Variants in MALSU1 observed in about 807,000 individuals in gnomAD.
MALSU1 encodes the protein mitochondrial assembly of ribosomal large subunit 1, also known as mitochondrial assembly of ribosomal large subunit protein 1.
In MALSU1, 22 loss-of-function variants were observed where a neutral mutation model predicts 22.1. The observed-to-expected ratio is 1.00, with a 90% CI of 0.71 to 1.42. The LOEUF is 1.42. MALSU1 is among the 40% of genes most tolerant of loss of function. The probability of loss-of-function intolerance (pLI) is 0.00; values close to 1 mark genes in which losing one functional copy is unlikely to be tolerated. For missense variants in MALSU1, 379 were observed against 308.3 expected (o/e 1.23, Z -1.72); for synonymous variants, 153 against 118.5 (o/e 1.29, Z -1.89).
At chr7:23,303,144 A>G (rs1408246676) in intron 2 of MALSU1, among the ~76,000 whole-genome samples, 8 of 152,236 alleles carry the variant, frequency 5.3e-5, no homozygotes, top group African/African-American at 1.9e-4. Flanking sequence ...ATCCGTCTCC[A>G]GAAATTTTTT....
At position 23,300,989 on chromosome 7, in the gene MALSU1, A is replaced by G; in HGVS notation, c.407A>G (p.His136Arg). 6.2e-7 allele frequency: 1 copy of G among 1,614,030 alleles called. No individual in the cohort carries two copies. The highest frequency in any genetic ancestry group is 8.5e-7 in the Non-Finnish European group (1 of 1,179,954). The change falls in exon 2 of 4, where the codon CAT becomes CGT. Residue 136 changes from histidine to arginine, a missense_variant. His to Arg is a conservative substitution (Grantham distance 29). Transcript: ENST00000466681. ...AGTGGAACTTCTACCCGACACTTAC[A>G]TGCCATGGCCTTCTACGTTGTGAAA... ...IVSGTSTRHLHAMAFYVVKMY... is the reference protein window; with the variant it reads ...IVSGTSTRHLRAMAFYVVKMY...
At chr7:23,308,311 T>C (rs569449276) in intron 3 of MALSU1, among the ~76,000 whole-genome samples, 124 of 152,150 alleles carry the variant, frequency 8.1e-4, no homozygotes, top group African/African-American at 2.9e-3. Flanking sequence ...CTGTGGTGCA[T>C]AAATGAGATG....
chr7:23,309,242 AACC>A (rs1783769359), intron 3 of MALSU1, 111 bp from the exon 4 acceptor site: 2 of 946,612 alleles, frequency 2.1e-6, no homozygotes, highest in South Asian at 3.4e-5. Context: ...CTAATCTGGG[AACC>A]ACACTTGAGA....
At chr7:23,302,485 A>C (rs1389253703) in intron 2 of MALSU1, among the ~76,000 whole-genome samples, 1 of 152,210 alleles carries the variant, frequency 6.6e-6, no homozygotes, top group Non-Finnish European at 1.5e-5. Flanking sequence ...GCAGAAGAAG[A>C]TGCCAAAAAC....
chr7:23,310,683 G>C lies in MALSU1; in HGVS notation c.*1140G>C. 1 of 152,214 alleles carries C rather than the reference G, an allele frequency of 6.6e-6. No individual in the cohort carries two copies. The highest frequency in any genetic ancestry group is 1.9e-4 in the East Asian group (1 of 5,184). 9.4% of individuals were successfully genotyped at this position (152,214 alleles called of 1,614,324 possible). ...ACTACAAAAGAAACTTGTTTTCAGA[G>C]AACATTAAGGAAAACACTTTAAATC... On this transcript the variant is annotated 3_prime_UTR_variant, in exon 4 of 4. Transcript: ENST00000466681.
chr7:23,303,236 C>G (rs1392229215), intron 2 of MALSU1, among the ~76,000 whole-genome samples: 1 of 152,202 alleles, frequency 6.6e-6, no homozygotes, highest in Non-Finnish European at 1.5e-5. Flanking sequence ...ATTCTACTGC[C>G]TGTCTCTATG....
intron 2 of MALSU1, among the ~76,000 whole-genome samples, chr7:23,306,340 T>A (rs999356476): frequency 6.6e-6 from 1 of 151,970 alleles, no homozygotes; most frequent in African/African-American, 2.4e-5. Flanking sequence ...CCTAACTGGG[T>A]TTTTTTTGTG....
chr7:23,305,791 G>C (rs6950139), intron 2 of MALSU1, among the ~76,000 whole-genome samples: 6,185 of 152,224 alleles, frequency 0.041, 206 homozygotes, highest in South Asian at 0.11. Flanking sequence ...TTACAATATT[G>C]TCTTCCCATC....
rs1267172120 is a variant in MALSU1, at chr7:23,310,151, A to G, written c.*608A>G. 1.3e-5 allele frequency: 2 copies of G among 152,218 alleles called. No homozygotes were observed. The highest frequency in any genetic ancestry group is 1.9e-4 in the East Asian group (1 of 5,198). The allele number at this position is 152,218 out of a possible 1,614,324, so 9.4% of individuals were successfully genotyped here. A position where few individuals can be genotyped will look rare whatever the true frequency, so the allele number is the denominator to read the frequency against. Reference sequence around the variant, plus strand: ...GAAATCTGCGTAGAGTTTGAAAAAAAATTCAGAACATTCCCATTCAATTGA... The same window carrying G: ...GAAATCTGCGTAGAGTTTGAAAAAAGATTCAGAACATTCCCATTCAATTGA... On this transcript the variant is annotated 3_prime_UTR_variant, in exon 4 of 4. Transcript: ENST00000466681.
chr7:23,300,776 C>G, intron 1 of MALSU1, 63 bp from the exon 2 acceptor site: 1 of 1,390,568 alleles, frequency 7.2e-7, no homozygotes, highest in Non-Finnish European at 1.0e-6. Flanking sequence ...GCCGGCATCT[C>G]TGGGTGCATA....
chr7:23,308,511 T>TAATA (rs1171837166), intron 3 of MALSU1, among the ~76,000 whole-genome samples: 3 of 152,212 alleles, frequency 2.0e-5, no homozygotes, highest in African/African-American at 7.2e-5. Flanking sequence ...GCTTGTAAGC[T>TAATA]AATACATTGT....
chr7:23,303,194 A>G (rs892051573), intron 2 of MALSU1, among the ~76,000 whole-genome samples: 3 of 152,098 alleles, frequency 2.0e-5, no homozygotes, highest in Non-Finnish European at 4.4e-5. Flanking sequence ...TTAAACAATA[A>G]CTCCCCATTT....
Position 23,309,356 on chromosome 7 carries a change from G to A in MALSU1, c.518G>A (p.Gly173Asp), listed in dbSNP as rs1419541550. ...DTDDWLCVDF[G>D]SMVIHLMLPE... ...TGTATCTCTTATCTGTCCCTGACAGGCAGCATGGTGATTCATTTGATGCTT... is the reference window on the plus strand; with the variant it reads ...TGTATCTCTTATCTGTCCCTGACAGACAGCATGGTGATTCATTTGATGCTT... The change falls in exon 4 of 4, where the codon GGC becomes GAC. Residue 173 changes from glycine to aspartate, a missense_variant and splice_region_variant. Transcript: ENST00000466681. 1 of 1,607,702 alleles carries A rather than the reference G, an allele frequency of 6.2e-7. No homozygotes were observed. Among genetic ancestry groups the A allele is most frequent in the Admixed American group, 1.7e-5 (1 of 58,784 alleles).
Position 23,310,816 on chromosome 7 carries a change from G to A in MALSU1, c.*1273G>A, listed in dbSNP as rs1454776342. 1 of 151,772 alleles carries A rather than the reference G, an allele frequency of 6.6e-6. No individual in the cohort carries two copies. The highest frequency in any genetic ancestry group is 6.6e-5 in the Admixed American group (1 of 15,252). 9.4% of individuals were successfully genotyped at this position (151,772 alleles called of 1,614,324 possible). A position where few individuals can be genotyped will look rare whatever the true frequency, so the allele number is the denominator to read the frequency against. On this transcript the variant is annotated 3_prime_UTR_variant, in exon 4 of 4. Transcript: ENST00000466681. ...TTTTTTTTTAAAGGGTTATATATAT[G>A]TCCTTTAGATCAGTGTAACATGACT...
In MALSU1 at chr7:23,300,375, A is replaced by G. The variant is rs568087741; in HGVS notation, c.257-464A>G. Among the ~76,000 whole-genome samples the G allele has an allele frequency of 5.9e-5, 9 of 152,206 alleles. No homozygotes were observed. The South Asian group carries it at 1.9e-3, about 32-fold the overall frequency. On this transcript the variant is annotated intron_variant, in intron 1 of 3. Coordinates refer to ENST00000466681, the MANE Select transcript of MALSU1 (RefSeq NM_138446.2). ...TAGGCCTCAGTTTCTTCATCTCTCA[A>G]CTGAAGGTTGTGGACCAGATACTGC... is the stretch of plus-strand genomic sequence containing the variant.
chr7:23,299,552 T>G lies in MALSU1; in HGVS notation c.200T>G (p.Leu67Arg), dbSNP rs771783406. The G allele has an allele frequency of 6.2e-7, 1 of 1,610,900 alleles. No individual in the cohort carries two copies. The highest frequency in any genetic ancestry group is 8.5e-7 in the Non-Finnish European group (1 of 1,178,924). Residue 67 changes from leucine to arginine, a missense_variant, in exon 1 of 4, where the codon CTG becomes CGG. Coordinates refer to ENST00000466681, the MANE Select transcript of MALSU1 (RefSeq NM_138446.2). Reference sequence around the variant, plus strand: ...CGCGGCCTGCACAGCGAGCCTGGGCTGGAGGAGCGGGCGGAGGGGACGGTC... The same window carrying G: ...CGCGGCCTGCACAGCGAGCCTGGGCGGGAGGAGCGGGCGGAGGGGACGGTC... ...FVRGLHSEPGLEERAEGTVNE... is the reference protein window; with the variant it reads ...FVRGLHSEPGREERAEGTVNE...
rs1783780507 is a variant in MALSU1, at chr7:23,309,701, T to C, written c.*158T>C. The C allele has an allele frequency of 2.0e-6, 1 of 505,952 alleles. No homozygotes were observed. Among genetic ancestry groups the C allele is most frequent in the Non-Finnish European group, 3.4e-6 (1 of 293,718 alleles). 31.3% of individuals were successfully genotyped at this position (505,952 alleles called of 1,614,324 possible). Reference sequence around the variant, plus strand: ...CTAACTGGCATGCAGAGACTGTCGATAAGTGAGCTATACCTGCAACCAAAA... The same window carrying C: ...CTAACTGGCATGCAGAGACTGTCGACAAGTGAGCTATACCTGCAACCAAAA... On this transcript the variant is annotated 3_prime_UTR_variant, in exon 4 of 4. Coordinates refer to ENST00000466681, the MANE Select transcript of MALSU1 (RefSeq NM_138446.2).
At chr7:23,306,429 CTTTT>C (rs575334744) in intron 2 of MALSU1, among the ~76,000 whole-genome samples, 9 of 142,912 alleles carry the variant, frequency 6.3e-5, no homozygotes, top group East Asian at 4.0e-4. Flanking sequence ...ATTTGGGTAC[CTTTT>C]TTTTTTTTAT....
chr7:23,302,039 G>A (rs1403712043), intron 2 of MALSU1, among the ~76,000 whole-genome samples: 2 of 152,118 alleles, frequency 1.3e-5, no homozygotes, highest in East Asian at 1.9e-4. Flanking sequence ...CAATAGCCAC[G>A]TGTGGCTAAT....
Sources: gnomAD v4.1 joint callset for allele counts (sites outside exome capture counted in the v4.1 genomes callset) on GRCh38, gnomAD v4.1.1 for gene constraint, MANE v1.5 for transcripts, NCBI Gene and HGNC (gene_info 2026-07-23, HGNC 2026-07-21) for gene names.